The following GMDS variants were observed in gnomAD, a reference collection of about 807,000 sequenced individuals.
GMDS encodes the protein GDP-mannose 4,6 dehydratase.
GMDS carries 20 observed loss-of-function variants against 49.9 expected under a neutral mutation model. The ratio of observed to expected loss-of-function variants is 0.40; its 90% CI spans 0.28 to 0.58. The LOEUF is 0.58. Among genes scored for constraint, GMDS ranks in the 20% least tolerant of loss-of-function variants. The probability of loss-of-function intolerance (pLI) is 0.42; values close to 1 mark genes in which losing one functional copy is unlikely to be tolerated. For synonymous variants in GMDS, 177 were observed against 178.6 expected, an observed-to-expected ratio of 0.99 and a Z score of 0.07; for missense variants, 362 against 481.4, an observed-to-expected ratio of 0.75 and a Z score of 2.32.
In GMDS at chr6:1,656,642, T is replaced by C. The variant is rs1260090958; in HGVS notation, c.988-32102A>G. On this transcript the variant is annotated intron_variant, in intron 9 of 10. Coordinates refer to ENST00000380815, the MANE Select transcript of GMDS (RefSeq NM_001500.4). ...AGCTGGGTGTGGTGGTGTGTGCCTGTAATCCCAAGTGCTCAGGAGGCTGAG... is the reference window on the plus strand; with the variant it reads ...AGCTGGGTGTGGTGGTGTGTGCCTGCAATCCCAAGTGCTCAGGAGGCTGAG... 3.3e-5 allele frequency among the ~76,000 whole-genome samples: 5 copies of C among 151,998 alleles called. No individual in the cohort carries two copies. The East Asian group carries it at 9.7e-4, about 29-fold the overall frequency.
chr6:2,065,933 A>G (rs1228096651), intron 4 of GMDS, among the ~76,000 whole-genome samples: 1 of 152,224 alleles, frequency 6.6e-6, no homozygotes, highest in Admixed American at 6.5e-5. Context: ...CCACAAAGAT[A>G]CTGCTCAAGA....
chr6:1,999,928 ATATTATTATAT>A (rs1561961411), intron 4 of GMDS, among the ~76,000 whole-genome samples: 1 of 84,230 alleles, frequency 1.2e-5, no homozygotes, highest in East Asian at 3.1e-4. Flanking sequence ...TACATATTAT[ATATTATTATAT>A]ATAATATATA....
In GMDS at chr6:1,624,220, C is replaced by T; in HGVS notation, c.1068G>A (p.Arg356=). 1 of 1,611,294 alleles carries T rather than the reference C, an allele frequency of 6.2e-7. No individual in the cohort carries two copies. ...KPRVAFDELV[R]EMVHADVELM... ...GCTCCACGTCGGCGTGCACCATCTC[C>T]CTCACCAGCTCCTGCAACACAGGGG... Residue 356 remains arginine (R), a synonymous_variant, in exon 11 of 11, where the codon AGG becomes AGA. Transcript: ENST00000380815.
chr6:1,844,988 T>C (rs1424434471), intron 7 of GMDS, among the ~76,000 whole-genome samples: 1 of 152,212 alleles, frequency 6.6e-6, no homozygotes, highest in African/African-American at 2.4e-5. Flanking sequence ...GGTTTTACTG[T>C]ACCAGTCTGT....
intron 9 of GMDS, among the ~76,000 whole-genome samples, chr6:1,663,557 C>A (rs553244743): frequency 1.3e-5 from 2 of 152,162 alleles, no homozygotes; most frequent in Non-Finnish European, 2.9e-5. Flanking sequence ...GGCGGCCCTC[C>A]TCCTCACAGC....
intron 9 of GMDS, among the ~76,000 whole-genome samples, chr6:1,712,972 C>T (rs1766025266): frequency 6.6e-6 from 1 of 152,212 alleles, no homozygotes; most frequent in Admixed American, 6.5e-5. Context: ...GGGGCAGACA[C>T]AAGGCCGTTT....
chr6:1,692,432 T>C (rs926995583), intron 9 of GMDS, among the ~76,000 whole-genome samples: 2 of 152,234 alleles, frequency 1.3e-5, no homozygotes, highest in African/African-American at 4.8e-5. Context: ...TTCTTGGATA[T>C]TTGTGTTCGT....
chr6:1,915,360 A>G (rs777495362), intron 7 of GMDS, among the ~76,000 whole-genome samples: 4 of 152,154 alleles, frequency 2.6e-5, no homozygotes, highest in East Asian at 1.9e-4. Flanking sequence ...TGGCCAGGAG[A>G]GTAGGGCCCC....
At chr6:2,159,856 T>G (rs1484766856) in intron 1 of GMDS, among the ~76,000 whole-genome samples, 1 of 152,180 alleles carries the variant, frequency 6.6e-6, no homozygotes, top group East Asian at 1.9e-4. Flanking sequence ...TTCATCTATG[T>G]GTTTTTTCAA....
At chr6:2,057,825 T>C (rs1770868472) in intron 4 of GMDS, among the ~76,000 whole-genome samples, 1 of 152,230 alleles carries the variant, frequency 6.6e-6, no homozygotes, top group African/African-American at 2.4e-5. Flanking sequence ...TGCTGTCCAA[T>C]AGCCACATGT....
intron 4 of GMDS, among the ~76,000 whole-genome samples, chr6:1,977,651 G>T (rs551605521): frequency 2.2e-4 from 34 of 152,294 alleles, no homozygotes; most frequent in African/African-American, 6.5e-4. Flanking sequence ...CCACCTAGGG[G>T]CATCATGGAG....
At chr6:1,675,500 G>T (rs1215340858) in intron 9 of GMDS, among the ~76,000 whole-genome samples, 1 of 152,066 alleles carries the variant, frequency 6.6e-6, no homozygotes, top group Non-Finnish European at 1.5e-5. Flanking sequence ...GTGGAAGAAG[G>T]GACATCCTTA....
At chr6:1,799,107 C>T (rs760969821) in intron 7 of GMDS, among the ~76,000 whole-genome samples, 3 of 151,656 alleles carry the variant, frequency 2.0e-5, no homozygotes, top group East Asian at 1.9e-4. Context: ...CAAAGATTAG[C>T]GAGGGAAGGG....
chr6:2,141,615 G>A (rs1248633169), intron 1 of GMDS, among the ~76,000 whole-genome samples: 1 of 152,162 alleles, frequency 6.6e-6, no homozygotes, highest in African/African-American at 2.4e-5. Flanking sequence ...GATGAAGAGG[G>A]GAGGGGAAGA....
chr6:2,117,423 G>T, intron 3 of GMDS, 46 bp downstream of exon 3: 1 of 1,129,332 alleles, frequency 8.9e-7, no homozygotes, highest in Non-Finnish European at 1.4e-6. Flanking sequence ...AGGAACATCT[G>T]AAAACACCTT....
intron 1 of GMDS, among the ~76,000 whole-genome samples, chr6:2,232,842 T>A (rs2127596314): frequency 6.6e-6 from 1 of 152,226 alleles, no homozygotes; most frequent in Non-Finnish European, 1.5e-5. Flanking sequence ...GCCTCTTCCA[T>A]AACCACACTA....
At chr6:1,810,341 T>C (rs769252432) in intron 7 of GMDS, among the ~76,000 whole-genome samples, 141 of 152,270 alleles carry the variant, frequency 9.3e-4, no homozygotes, top group African/African-American at 3.2e-3. Flanking sequence ...TCACCCAGGC[T>C]GGAGTGCAGT....
At chr6:2,159,520 T>TC (rs1777282628) in intron 1 of GMDS, among the ~76,000 whole-genome samples, 1 of 139,324 alleles carries the variant, frequency 7.2e-6, no homozygotes, top group African/African-American at 2.6e-5. Context: ...TTTTCTTTTT[T>TC]TTTTTTTTTT....
chr6:2,121,942 C>T (rs1014757557), intron 2 of GMDS, among the ~76,000 whole-genome samples: 2 of 152,148 alleles, frequency 1.3e-5, no homozygotes, highest in Non-Finnish European at 2.9e-5. Flanking sequence ...CACTGCTAAC[C>T]AACCAGTGTG....
Sources: allele counts gnomAD v4.1 joint callset (sites outside exome capture counted in the v4.1 genomes callset), GRCh38; gene constraint gnomAD v4.1.1; transcripts MANE v1.5; gene names NCBI Gene and HGNC (gene_info 2026-07-23, HGNC 2026-07-21).